TACC2: variants seen among roughly 807,000 people sequenced by gnomAD.
The protein encoded by TACC2 is transforming acidic coiled-coil containing protein 2.
In TACC2, 137 loss-of-function variants were observed where a neutral mutation model predicts 227.3. The ratio of observed to expected loss-of-function variants is 0.60; its 90% CI spans 0.52 to 0.69. The LOEUF (loss-of-function observed/expected upper bound fraction) is 0.69. Among genes scored for constraint, TACC2 ranks in the 30% least tolerant of loss-of-function variants. The pLI, the probability that TACC2 is intolerant of heterozygous loss-of-function variation, is 0.00. For synonymous variants in TACC2, 1,523 were observed against 1,487.5 expected, an observed-to-expected ratio of 1.02 and a Z score of -0.55; for missense variants, 3,470 against 3,694.4, an observed-to-expected ratio of 0.94 and a Z score of 1.57.
intron 8 of TACC2, among the ~76,000 whole-genome samples, chr10:122,207,003 T>A (rs1049347722): frequency 6.6e-6 from 1 of 152,066 alleles, no homozygotes; most frequent in Non-Finnish European, 1.5e-5. Flanking sequence ...AGAAATCCAG[T>A]AGGGGAGCAG....
chr10:122,107,675 C>CAT (rs141722535), intron 5 of TACC2, among the ~76,000 whole-genome samples: 149 of 148,064 alleles, frequency 1.0e-3, no homozygotes, highest in African/African-American at 2.0e-3. Context: ...TTTTTTAAAA[C>CAT]ATATATATAT....
At position 122,029,793 on chromosome 10, in the gene TACC2, G is replaced by T. The variant is rs554748258; in HGVS notation, c.33+7779G>T. Reference sequence around the variant, plus strand: ...TAGGCATATTTTGGCCTTTAGTCCTGCTCATTAACAAACCAAGCAGCTCAG... The same window carrying T: ...TAGGCATATTTTGGCCTTTAGTCCTTCTCATTAACAAACCAAGCAGCTCAG... On this transcript the variant is annotated intron_variant, in intron 2 of 22. Transcript: ENST00000369005. Among the ~76,000 whole-genome samples, 21 of 152,114 alleles carry T rather than the reference G, an allele frequency of 1.4e-4. No homozygotes were observed. In the South Asian group the frequency reaches 4.4e-3, roughly 32 times the overall value.
In TACC2 at chr10:122,216,884, T is replaced by A. The variant is rs1486948357; in HGVS notation, c.7546+56T>A. ...ACTCTGCCTCGGAGAATCCTGCCCC[T>A]AGGGAGCCAAAGGCCAGGAGAGAAA... On this transcript the variant is annotated intron_variant, in intron 11 of 22. Coordinates refer to ENST00000369005, the MANE Select transcript of TACC2 (RefSeq NM_206862.4). The A allele has an allele frequency of 6.8e-6, 11 of 1,613,696 alleles. No homozygotes were observed. In the South Asian group the frequency reaches 1.2e-4, roughly 18 times the overall value.
At chr10:122,042,299 G>A (rs1377067359) in intron 2 of TACC2, among the ~76,000 whole-genome samples, 2 of 152,138 alleles carry the variant, frequency 1.3e-5, no homozygotes, top group East Asian at 3.9e-4. Context: ...CTGGAGTTCA[G>A]TGGCACAGTC....
chr10:122,167,878 TC>T (rs1183628874), intron 7 of TACC2, among the ~76,000 whole-genome samples: 1 of 152,060 alleles, frequency 6.6e-6, no homozygotes, highest in Non-Finnish European at 1.5e-5. Flanking sequence ...TCTCATTAGA[TC>T]TTTTTCTTTT....
At chr10:122,016,941 T>C (rs11200331) in intron 1 of TACC2, among the ~76,000 whole-genome samples, 69,270 of 151,970 alleles carry the variant, frequency 0.46, 15,942 homozygotes, top group South Asian at 0.6. Context: ...GATTAGGACA[T>C]AGACGGGCAA....
chr10:122,034,694 G>T (rs11200358), intron 2 of TACC2, among the ~76,000 whole-genome samples: 54,574 of 151,472 alleles, frequency 0.36, 10,282 homozygotes, highest in South Asian at 0.46. Flanking sequence ...CACTTTGGGA[G>T]GCCGAGGTGG....
Position 122,226,351 on chromosome 10 carries a change from T to C in TACC2, c.7609-15T>C, listed in dbSNP as rs1475455572. On this transcript the variant is annotated splice_polypyrimidine_tract_variant and intron_variant, in intron 12 of 22. Coordinates refer to ENST00000369005, the MANE Select transcript of TACC2 (RefSeq NM_206862.4). ...CAACTGTACCCAAGCTGATATGTGATTTTGATCCCTGCAGCAGGACGACGA... is the reference window on the plus strand; with the variant it reads ...CAACTGTACCCAAGCTGATATGTGACTTTGATCCCTGCAGCAGGACGACGA... 1 of 1,600,146 alleles carries C rather than the reference T, an allele frequency of 6.2e-7. No individual in the cohort carries two copies. Among genetic ancestry groups the C allele is most frequent in the Non-Finnish European group, 8.6e-7 (1 of 1,167,938 alleles).
In TACC2 at chr10:122,143,521, C is replaced by A. The variant is rs530132095; in HGVS notation, c.5700-51C>A. ...GGGTGAATGGGGCCTGATGAATGTG[C>A]CATTAATGAGCCCAGCACCATGTGG... On this transcript the variant is annotated intron_variant, in intron 6 of 22. Transcript: ENST00000369005. The A allele has an allele frequency of 8.2e-5, 130 of 1,586,006 alleles. 1 individual carries two copies. The East Asian group carries it at 2.9e-3, about 35-fold the overall frequency.
intron 6 of TACC2, among the ~76,000 whole-genome samples, chr10:122,135,183 C>T (rs557856397): frequency 6.6e-6 from 1 of 152,284 alleles, no homozygotes; most frequent in South Asian, 2.1e-4. Context: ...GCCCGGCTGC[C>T]CACCTGTGTT....
chr10:122,153,597 TTTC>T (rs1482987971), intron 7 of TACC2, among the ~76,000 whole-genome samples: 1 of 152,176 alleles, frequency 6.6e-6, no homozygotes. Flanking sequence ...GCCAAAGTGA[TTTC>T]TTGTTTTTTC....
intron 16 of TACC2, among the ~76,000 whole-genome samples, chr10:122,230,644 C>T (rs769799714): frequency 2.6e-5 from 4 of 152,188 alleles, no homozygotes; most frequent in African/African-American, 4.8e-5. Context: ...AATGCTAAAC[C>T]GCGGGATAGT....
intron 8 of TACC2, among the ~76,000 whole-genome samples, chr10:122,199,347 C>T (rs1215948437): frequency 1.3e-5 from 2 of 152,268 alleles, no homozygotes; most frequent in African/African-American, 2.4e-5. Context: ...GCTCAGTGCC[C>T]AGCCTGGCTG....
At chr10:122,026,251 C>T (rs918735583) in intron 2 of TACC2, among the ~76,000 whole-genome samples, 30 of 143,074 alleles carry the variant, frequency 2.1e-4, no homozygotes, top group Non-Finnish European at 9.0e-5. Flanking sequence ...TAGCATGAAC[C>T]CGGGAGGCGG....
chr10:122,237,864 A>G, intron 17 of TACC2, 97 bp from the exon 18 acceptor site: 1 of 897,608 alleles, frequency 1.1e-6, no homozygotes. Context: ...TTTTCATTCC[A>G]CATTTATTCA....
intron 3 of TACC2, among the ~76,000 whole-genome samples, chr10:122,075,222 C>T (rs1275380330): frequency 6.7e-6 from 1 of 148,662 alleles, no homozygotes; most frequent in Non-Finnish European, 1.5e-5. Context: ...GAAAGAAAGT[C>T]AGCAGTATCA....
intron 18 of TACC2, among the ~76,000 whole-genome samples, chr10:122,239,987 G>C (rs190888768): frequency 1.8e-4 from 27 of 152,326 alleles, no homozygotes; most frequent in Non-Finnish European, 1.8e-4. Context: ...CAAAGGCTGC[G>C]GAGTGTGATG....
intron 7 of TACC2, among the ~76,000 whole-genome samples, chr10:122,160,699 C>T (rs151124621): frequency 2.9e-4 from 44 of 152,262 alleles, no homozygotes; most frequent in Non-Finnish European, 2.6e-4. Context: ...GGGAGGGAGG[C>T]GCAAGCATTC....
chr10:122,134,536 G>T (rs2089150066), intron 6 of TACC2, among the ~76,000 whole-genome samples: 1 of 152,214 alleles, frequency 6.6e-6, no homozygotes, highest in Admixed American at 6.5e-5. Flanking sequence ...AAAAACCCTA[G>T]CTGCGAACGA....
Sources: allele counts gnomAD v4.1 joint callset (sites outside exome capture counted in the v4.1 genomes callset), GRCh38; gene constraint gnomAD v4.1.1; transcripts MANE v1.5; gene names NCBI Gene and HGNC (gene_info 2026-07-23, HGNC 2026-07-21).